Variants in ETV6 observed in about 807,000 individuals in gnomAD.
ETV6 encodes ETS variant transcription factor 6.
A neutral mutation model predicts 51.1 loss-of-function variants in ETV6; 16 were observed. The observed-to-expected ratio is 0.31, with a 90% CI of 0.21 to 0.48. ETV6 has a LOEUF of 0.48. Among genes scored for constraint, ETV6 ranks in the 20% least tolerant of loss-of-function variants. The probability of loss-of-function intolerance (pLI) is 0.99; values close to 1 mark genes in which losing one functional copy is unlikely to be tolerated. For synonymous variants in ETV6, 240 were observed against 224.1 expected, an observed-to-expected ratio of 1.07 and a Z score of -0.64; for missense variants, 458 against 594.8, an observed-to-expected ratio of 0.77 and a Z score of 2.39.
intron 2 of ETV6, among the ~76,000 whole-genome samples, chr12:11,817,196 G>A (rs1342458374): frequency 6.6e-6 from 1 of 152,164 alleles, no homozygotes; most frequent in Non-Finnish European, 1.5e-5. Context: ...CCACCCTCCA[G>A]AGCTGTTATG....
chr12:11,806,860 AACTC>A (rs1945836927), intron 2 of ETV6, among the ~76,000 whole-genome samples: 1 of 152,328 alleles, frequency 6.6e-6, no homozygotes, highest in Admixed American at 6.5e-5. Flanking sequence ...TGCGGAGCTC[AACTC>A]TGTGACCTCA....
intron 1 of ETV6, among the ~76,000 whole-genome samples, chr12:11,743,411 T>A (rs1189786954): frequency 1.3e-5 from 2 of 152,156 alleles, no homozygotes; most frequent in Non-Finnish European, 2.9e-5. Flanking sequence ...AGGGAATTTC[T>A]TCAGTTTGAC....
chr12:11,773,462 G>A lies in ETV6; in HGVS notation c.163+20883G>A, dbSNP rs557745356. Among the ~76,000 whole-genome samples the A allele has an allele frequency of 1.7e-4, 26 of 152,250 alleles. No individual in the cohort carries two copies. In the South Asian group the frequency reaches 2.5e-3, roughly 15 times the overall value. ...TTTGAGAACATGGTTTCCTTATTGT[G>A]AAATTCCAGTTTCAGAACATTGGCA... On this transcript the variant is annotated intron_variant, in intron 2 of 7. Coordinates refer to ENST00000396373, the MANE Select transcript of ETV6 (RefSeq NM_001987.5).
intron 2 of ETV6, among the ~76,000 whole-genome samples, chr12:11,816,194 G>A (rs1037190104): frequency 6.6e-6 from 1 of 152,220 alleles, no homozygotes; most frequent in South Asian, 2.1e-4. Flanking sequence ...GAGTTTAGGA[G>A]GCCCTGGGAA....
At chr12:11,703,780 G>C (rs1230061757) in intron 1 of ETV6, among the ~76,000 whole-genome samples, 2 of 152,206 alleles carry the variant, frequency 1.3e-5, no homozygotes, top group Non-Finnish European at 2.9e-5. Context: ...TCCTGGATGG[G>C]AGTTTGAACC....
intron 7 of ETV6, among the ~76,000 whole-genome samples, chr12:11,889,067 A>G (rs1471920846): frequency 6.6e-6 from 1 of 152,034 alleles, no homozygotes; most frequent in Non-Finnish European, 1.5e-5. Flanking sequence ...CTGGTGTGGA[A>G]TATCAGAAGC....
At chr12:11,820,219 C>T (rs1445568170) in intron 2 of ETV6, among the ~76,000 whole-genome samples, 1 of 152,194 alleles carries the variant, frequency 6.6e-6, no homozygotes, top group African/African-American at 2.4e-5. Context: ...CCCAGGAAAC[C>T]TGACTCCAGG....
intron 2 of ETV6, among the ~76,000 whole-genome samples, chr12:11,755,495 A>T (rs1944994582): frequency 6.6e-6 from 1 of 152,102 alleles, no homozygotes; most frequent in Non-Finnish European, 1.5e-5. Flanking sequence ...GTTTGCCCTC[A>T]GCTGGGACTT....
At position 11,853,647 on chromosome 12, in the gene ETV6, C is replaced by T. The variant is rs1220265927; in HGVS notation, c.463+86C>T. On this transcript the variant is annotated intron_variant, in intron 4 of 7. Transcript: ENST00000396373. Reference sequence around the variant, plus strand: ...GTTAACTTGATAAGCTGGTCTTCTTCGTGTAAGTTCACTTTTCATTCAGTA... The same window carrying T: ...GTTAACTTGATAAGCTGGTCTTCTTTGTGTAAGTTCACTTTTCATTCAGTA... 8 of 1,463,972 alleles carry T rather than the reference C, an allele frequency of 5.5e-6. No individual in the cohort carries two copies. In the East Asian group the frequency reaches 9.1e-5, roughly 17 times the overall value. 90.7% of individuals were successfully genotyped at this position (1,463,972 alleles called of 1,614,324 possible).
rs1382353436 is a variant in ETV6, at chr12:11,869,325, A to AC, written c.464-97dup. On this transcript the variant is annotated intron_variant, in intron 4 of 7. Coordinates refer to ENST00000396373, the MANE Select transcript of ETV6 (RefSeq NM_001987.5). The surrounding 1 kb of genome is among the most constrained non-coding windows in gnomAD (Gnocchi z 5.0). ...CTGGGGAGAAAGGTCCTTTACACAT[A>AC]CCTACACGCTCCTCCATTTACCGCC... is the stretch of plus-strand genomic sequence containing the variant. 2.9e-6 allele frequency: 3 copies of AC among 1,025,374 alleles called. No individual in the cohort carries two copies. In the African/African-American group the frequency reaches 4.8e-5, roughly 16 times the overall value. The allele number at this position is 1,025,374 out of a possible 1,614,324, so 63.5% of individuals were successfully genotyped here. A position where few individuals can be genotyped will look rare whatever the true frequency, so the allele number is the denominator to read the frequency against.
chr12:11,772,862 A>G (rs981863875), intron 2 of ETV6, among the ~76,000 whole-genome samples: 1 of 152,166 alleles, frequency 6.6e-6, no homozygotes, highest in Non-Finnish European at 1.5e-5. Flanking sequence ...AGCTGTTTCT[A>G]AGATTGGTCT....
Position 11,723,033 on chromosome 12 carries a change from C to G in ETV6, c.34-29417C>G, listed in dbSNP as rs145595625. On this transcript the variant is annotated intron_variant, in intron 1 of 7. Transcript: ENST00000396373. Reference sequence around the variant, plus strand: ...GTGAAACCAATGAGAAGCTGAGCTCCGAAGTCAGACTACCTGGGCTTGAAT... The same window carrying G: ...GTGAAACCAATGAGAAGCTGAGCTCGGAAGTCAGACTACCTGGGCTTGAAT... Among the ~76,000 whole-genome samples the G allele has an allele frequency of 1.8e-3, 278 of 152,274 alleles. 2 individuals are homozygous for G. Among genetic ancestry groups the G allele is most frequent in the South Asian group, 0.016 (76 of 4,822 alleles).
intron 1 of ETV6, among the ~76,000 whole-genome samples, chr12:11,669,373 T>TCCCTCCCTCCCTCCCTCCCTCCCTC (rs1864262418): frequency 7.7e-6 from 1 of 129,342 alleles, no homozygotes; most frequent in African/African-American, 3.3e-5. Context: ...CTTCCTCCCT[T>TCCCTCCCTCCCTCCCTCCCTCCCTC]CCTCCCTCCC....
At chr12:11,772,214 G>A (rs1030110013) in intron 2 of ETV6, among the ~76,000 whole-genome samples, 1 of 152,182 alleles carries the variant, frequency 6.6e-6, no homozygotes, top group African/African-American at 2.4e-5. Flanking sequence ...AGCCAACAGA[G>A]GGGTTAATTT....
chr12:11,894,329 A>G lies in ETV6; in HGVS notation c.*3283A>G, dbSNP rs1947357554. 1 of 232,890 alleles carries G rather than the reference A, an allele frequency of 4.3e-6. No homozygotes were observed. Among genetic ancestry groups the G allele is most frequent in the Admixed American group, 5.6e-5 (1 of 17,762 alleles). 14.4% of individuals were successfully genotyped at this position (232,890 alleles called of 1,614,324 possible). On this transcript the variant is annotated 3_prime_UTR_variant, in exon 8 of 8. Transcript: ENST00000396373. ...TGGGTCTTGAAGTTCTCATTCCTAC[A>G]TCTCAAGCTAGCCAGGCAGTCTCCT...
intron 4 of ETV6, among the ~76,000 whole-genome samples, chr12:11,868,700 A>G (rs1277585384): frequency 2.0e-5 from 3 of 151,996 alleles, no homozygotes; most frequent in African/African-American, 4.8e-5. Context: ...ACTAATACTA[A>G]TAACTCCTAG....
chr12:11,811,684 C>A (rs1462182499), intron 2 of ETV6, among the ~76,000 whole-genome samples: 1 of 152,028 alleles, frequency 6.6e-6, no homozygotes, highest in Non-Finnish European at 1.5e-5. Flanking sequence ...TGGAACGAAG[C>A]AAAATAACAT....
At chr12:11,874,266 A>C (rs1946928376) in intron 5 of ETV6, among the ~76,000 whole-genome samples, 1 of 152,032 alleles carries the variant, frequency 6.6e-6, no homozygotes, top group South Asian at 2.1e-4. Flanking sequence ...AGTCCCAGCT[A>C]CCGAGGAGGC....
intron 2 of ETV6, among the ~76,000 whole-genome samples, chr12:11,802,422 G>A (rs919934317): frequency 6.6e-6 from 1 of 152,190 alleles, no homozygotes; most frequent in Non-Finnish European, 1.5e-5. Flanking sequence ...AAAGTTCTGG[G>A]TCTGGTTCTT....
Sources: allele counts gnomAD v4.1 joint callset (sites outside exome capture counted in the v4.1 genomes callset), GRCh38; gene constraint gnomAD v4.1.1; non-coding constraint Gnocchi (gnomAD v3.1); transcripts MANE v1.5; gene names NCBI Gene and HGNC (gene_info 2026-07-23, HGNC 2026-07-21).